Variants in ANKRD17 observed in about 807,000 individuals in gnomAD.
The protein encoded by ANKRD17 is ankyrin repeat domain-containing protein 17.
Under a neutral mutation model 229.7 loss-of-function variants are expected in ANKRD17, and 19 were observed. The ratio of observed to expected loss-of-function variants is 0.08; its 90% CI spans 0.06 to 0.12. The LOEUF (loss-of-function observed/expected upper bound fraction) is 0.12, where lower values mean the gene tolerates loss of function less well. Among genes scored for constraint, ANKRD17 ranks in the 10% least tolerant of loss-of-function variants. The pLI is 1.00. For synonymous variants in ANKRD17, 1,112 were observed against 1,146.1 expected, an observed-to-expected ratio of 0.97 and a Z score of 0.60; for missense variants, 2,176 against 3,176.8, an observed-to-expected ratio of 0.68 and a Z score of 7.57.
At chr4:73,251,345 A>T (rs1745004047) in intron 1 of ANKRD17, among the ~76,000 whole-genome samples, 2 of 152,190 alleles carry the variant, frequency 1.3e-5, no homozygotes, top group Admixed American at 1.3e-4. Flanking sequence ...TTCAGGAATG[A>T]ATAATAATAA....
At chr4:73,090,610 T>C in intron 29 of ANKRD17, 57 bp downstream of exon 29, 1 of 1,597,916 alleles carries the variant, frequency 6.3e-7, no homozygotes, top group East Asian at 2.2e-5. Context: ...TGACCAAGAA[T>C]TTTCACATCA....
intron 1 of ANKRD17, among the ~76,000 whole-genome samples, chr4:73,232,764 C>T (rs1743171197): frequency 6.6e-6 from 1 of 152,118 alleles, no homozygotes; most frequent in Admixed American, 6.6e-5. Context: ...CACTCTCTTG[C>T]CCAGGCTACA....
chr4:73,115,858 G>C lies in ANKRD17; in HGVS notation c.4247C>G (p.Ser1416Cys), dbSNP rs745660952. ...GGTTGCTATGTATCTCATACATTCA[G>C]AATCTGATGGAAACTGATTGACTTC... ...VKEVNQFPSD[S>C]ECMRYIATIT... Residue 1416 changes from serine to cysteine, a missense_variant, in exon 23 of 34, where the codon TCT becomes TGT. Physicochemically the swap from Ser to Cys is moderately radical, Grantham distance 112. Around this residue, in one of 18 missense-constraint regions of ANKRD17, gnomAD observed 178 missense variants for 421.7 expected, o/e 0.42. Coordinates refer to ENST00000358602, the MANE Select transcript of ANKRD17 (RefSeq NM_032217.5). 1.9e-6 allele frequency: 3 copies of C among 1,613,408 alleles called. No individual in the cohort carries two copies. The highest frequency in any genetic ancestry group is 1.1e-5 in the South Asian group (1 of 91,060).
At chr4:73,081,843 T>C (rs752530130) in intron 30 of ANKRD17, among the ~76,000 whole-genome samples, 1 of 152,158 alleles carries the variant, frequency 6.6e-6, no homozygotes, top group Non-Finnish European at 1.5e-5. Context: ...CAATGTGATT[T>C]ACAAATTCAA....
At chr4:73,182,535 T>G (rs933850410) in intron 1 of ANKRD17, among the ~76,000 whole-genome samples, 2 of 152,146 alleles carry the variant, frequency 1.3e-5, no homozygotes, top group African/African-American at 4.8e-5. Context: ...CTGGGAAAGG[T>G]GACTTTAAAT....
chr4:73,113,016 G>A (rs986093228), intron 24 of ANKRD17: 27 of 922,160 alleles, frequency 2.9e-5, no homozygotes, highest in Non-Finnish European at 3.7e-5. Context: ...TCAAGCTCCT[G>A]ACCTCAGGTG....
intron 25 of ANKRD17, among the ~76,000 whole-genome samples, chr4:73,101,794 AT>A (rs1171325496): frequency 6.6e-6 from 1 of 152,142 alleles, no homozygotes; most frequent in African/African-American, 2.4e-5. Flanking sequence ...ATATGGTAAA[AT>A]TTTAACAATT....
At chr4:73,238,827 A>T (rs1743752085) in intron 1 of ANKRD17, among the ~76,000 whole-genome samples, 2 of 152,178 alleles carry the variant, frequency 1.3e-5, no homozygotes, top group Non-Finnish European at 2.9e-5. Context: ...GCAGACTTTC[A>T]TGTGAGACTA....
chr4:73,124,569 T>C (rs1044109604), intron 18 of ANKRD17, among the ~76,000 whole-genome samples: 1 of 152,228 alleles, frequency 6.6e-6, no homozygotes, highest in African/African-American at 2.4e-5. Flanking sequence ...GAGACTGTGA[T>C]TAAGTACCTT....
At chr4:73,184,358 A>G (rs1735986717) in intron 1 of ANKRD17, among the ~76,000 whole-genome samples, 2 of 151,882 alleles carry the variant, frequency 1.3e-5, no homozygotes, top group African/African-American at 4.8e-5. Context: ...GTGAAAGCCT[A>G]TTGCTATTTA....
intron 1 of ANKRD17, among the ~76,000 whole-genome samples, chr4:73,247,475 A>C (rs566282683): frequency 3.6e-4 from 55 of 152,210 alleles, no homozygotes; most frequent in Non-Finnish European, 5.3e-4. Context: ...ACCAAAATAA[A>C]AGATCAAATA....
At chr4:73,164,988 T>G (rs978412290) in intron 2 of ANKRD17, among the ~76,000 whole-genome samples, 13 of 151,728 alleles carry the variant, frequency 8.6e-5, no homozygotes, top group African/African-American at 2.4e-4. Context: ...TTAAGATAAT[T>G]GAATGCGTAA....
At chr4:73,084,602 C>G (rs1036621479) in intron 30 of ANKRD17, among the ~76,000 whole-genome samples, 2 of 152,028 alleles carry the variant, frequency 1.3e-5, no homozygotes, top group African/African-American at 4.8e-5. Context: ...GTGCACACCA[C>G]AACGCCTGGC....
In ANKRD17 at chr4:73,142,197, A is replaced by G. The variant is rs368771732; in HGVS notation, c.2229+45T>C. On this transcript the variant is annotated intron_variant, in intron 13 of 33. Coordinates refer to ENST00000358602, the MANE Select transcript of ANKRD17 (RefSeq NM_032217.5). ...AGAAACTGTAAGTGAAAGAATTAGG[A>G]TAAAGAAGACATACCATAAAATGCT... 4.7e-6 allele frequency: 7 copies of G among 1,494,780 alleles called. No individual in the cohort carries two copies. The African/African-American group carries it at 8.7e-5, about 19-fold the overall frequency. The allele number at this position is 1,494,780 out of a possible 1,614,324, so 92.6% of individuals were successfully genotyped here.
intron 18 of ANKRD17, among the ~76,000 whole-genome samples, chr4:73,123,195 T>C (rs891285838): frequency 1.3e-5 from 2 of 152,060 alleles, no homozygotes; most frequent in African/African-American, 4.8e-5. Flanking sequence ...CTTGACTCAA[T>C]ATTGAAAAAA....
intron 24 of ANKRD17, among the ~76,000 whole-genome samples, chr4:73,106,272 C>A (rs1724603969): frequency 6.6e-6 from 1 of 151,970 alleles, no homozygotes; most frequent in South Asian, 2.1e-4. Flanking sequence ...AAAATAACTT[C>A]ACTGTGGAAT....
At chr4:73,192,314 C>A (rs140514575) in intron 1 of ANKRD17, among the ~76,000 whole-genome samples, 75 of 151,918 alleles carry the variant, frequency 4.9e-4, no homozygotes, top group Middle Eastern at 3.4e-3. Flanking sequence ...GAATGATCTT[C>A]ACATTGTTAG....
intron 24 of ANKRD17, among the ~76,000 whole-genome samples, chr4:73,103,395 C>T (rs189935858): frequency 3.9e-5 from 6 of 152,208 alleles, no homozygotes; most frequent in Non-Finnish European, 8.8e-5. Context: ...TTCAATTTTA[C>T]TTTATATAAC....
At chr4:73,092,388 A>G in intron 28 of ANKRD17, 88 bp from the exon 29 acceptor site, 2 of 1,053,300 alleles carry the variant, frequency 1.9e-6, no homozygotes, top group Non-Finnish European at 2.7e-6. Flanking sequence ...GTACACAAAC[A>G]CACACACAGT....
Sources: gnomAD v4.1 joint callset for allele counts (sites outside exome capture counted in the v4.1 genomes callset) on GRCh38, gnomAD v4.1.1 for gene constraint, gnomAD v4.1.1 regional missense constraint, MANE v1.5 for transcripts, NCBI Gene and HGNC (gene_info 2026-07-23, HGNC 2026-07-21) for gene names.